The following TOP6BL variants were observed in gnomAD, a reference collection of about 807,000 sequenced individuals.
TOP6BL encodes type 2 DNA topoisomerase 6 subunit B-like.
chr11:66,820,301 C>G, the TOP6BL span, among the ~76,000 whole-genome samples: 1 of 152,146 alleles, frequency 6.6e-6, no homozygotes, highest in East Asian at 1.9e-4. Flanking sequence ...AGAAAATGTT[C>G]TTCTGGTTTG....
chr11:66,800,589 A>C, the TOP6BL span: 1 of 1,431,718 alleles, frequency 7.0e-7, no homozygotes, highest in Non-Finnish European at 9.5e-7. Context: ...GGAAGTTTTT[A>C]ATCTGTATCT....
At chr11:66,772,596 C>T in the TOP6BL span, among the ~76,000 whole-genome samples, 5 of 152,330 alleles carry the variant, frequency 3.3e-5, no homozygotes, top group African/African-American at 7.2e-5. Flanking sequence ...TGGCGAAACC[C>T]CGTCTCTACT....
At chr11:66,804,411 G>A in the TOP6BL span, among the ~76,000 whole-genome samples, 1 of 152,174 alleles carries the variant, frequency 6.6e-6, no homozygotes, top group Admixed American at 6.5e-5. Flanking sequence ...AATCCAATAT[G>A]ACTGAAGCAT....
chr11:66,843,351 C>A, the TOP6BL span: 1 of 1,458,354 alleles, frequency 6.9e-7, no homozygotes, highest in South Asian at 1.4e-5. Flanking sequence ...GCTTCCGCGT[C>A]GGGCCCGGGC....
the TOP6BL span, among the ~76,000 whole-genome samples, chr11:66,774,245 C>T: frequency 6.6e-6 from 1 of 152,056 alleles, no homozygotes; most frequent in South Asian, 2.1e-4. Context: ...TAGTACTTTA[C>T]CCAGTAATTT....
the TOP6BL span, among the ~76,000 whole-genome samples, chr11:66,772,414 T>TGAGCTATAATTTTGCCACA: frequency 6.6e-6 from 1 of 152,178 alleles, no homozygotes; most frequent in Non-Finnish European, 1.5e-5. Context: ...TAGGGTGCAG[T>TGAGCTATAATTTTGCCACA]GAGCTATAAT....
chr11:66,762,243 C>G, the TOP6BL span: 1 of 559,922 alleles, frequency 1.8e-6, no homozygotes, highest in Non-Finnish European at 3.2e-6. Flanking sequence ...GGGGCCCGGC[C>G]GCAGAACACG....
chr11:66,804,386 A>G, the TOP6BL span, among the ~76,000 whole-genome samples: 4 of 152,250 alleles, frequency 2.6e-5, no homozygotes, highest in East Asian at 1.9e-4. Flanking sequence ...GACACATGCC[A>G]TGCGTTTTTC....
the TOP6BL span, among the ~76,000 whole-genome samples, chr11:66,805,041 G>A: frequency 7.3e-5 from 11 of 151,438 alleles, no homozygotes; most frequent in Non-Finnish European, 1.0e-4. Flanking sequence ...GCACTCCAGC[G>A]TGGGCAACAG....
At chr11:66,769,752 AT>A in the TOP6BL span, among the ~76,000 whole-genome samples, 1 of 150,746 alleles carries the variant, frequency 6.6e-6, no homozygotes, top group South Asian at 2.1e-4. Context: ...TTTAATTTTT[AT>A]TTTTTGAGAC....
chr11:66,780,871 C>T, the TOP6BL span, among the ~76,000 whole-genome samples: 15 of 152,086 alleles, frequency 9.9e-5, no homozygotes, highest in Admixed American at 6.6e-4. Flanking sequence ...CATGAGCCAC[C>T]GCGCGTGGAC....
At chr11:66,842,791 A>C in the TOP6BL span, 1 of 1,469,456 alleles carries the variant, frequency 6.8e-7, no homozygotes, top group Non-Finnish European at 9.1e-7. Context: ...CCCTTGGCCA[A>C]GGGTGCTCCT....
chr11:66,843,407 A>G, the TOP6BL span: 1 of 1,424,974 alleles, frequency 7.0e-7, no homozygotes, highest in Admixed American at 3.0e-5. Context: ...GACGTCACCC[A>G]CACCTCCCTG....
At chr11:66,769,986 C>T in the TOP6BL span, among the ~76,000 whole-genome samples, 2 of 151,862 alleles carry the variant, frequency 1.3e-5, no homozygotes, top group South Asian at 4.2e-4. Flanking sequence ...ACCTTGTGAT[C>T]CGCCTGCCTC....
At chr11:66,776,472 T>G in the TOP6BL span, among the ~76,000 whole-genome samples, 1 of 152,094 alleles carries the variant, frequency 6.6e-6, no homozygotes, top group Non-Finnish European at 1.5e-5. Flanking sequence ...ACAAGGAAAT[T>G]AAACAAGGAA....
the TOP6BL span, among the ~76,000 whole-genome samples, chr11:66,807,098 A>AG: frequency 2.6e-5 from 4 of 152,198 alleles, no homozygotes; most frequent in African/African-American, 7.2e-5. Flanking sequence ...AAAGTAGTAG[A>AG]GAATGATGGA....
chr11:66,796,340 TA>T, the TOP6BL span: 2 of 1,610,494 alleles, frequency 1.2e-6, no homozygotes, highest in Non-Finnish European at 1.7e-6. Context: ...ATTTTTTACG[TA>T]AAATCATCAT....
chr11:66,827,258 C>A, the TOP6BL span, among the ~76,000 whole-genome samples: 2 of 151,906 alleles, frequency 1.3e-5, no homozygotes, highest in African/African-American at 4.8e-5. Flanking sequence ...CCATGTTGGT[C>A]AGGCTGGTGT....
the TOP6BL span, among the ~76,000 whole-genome samples, chr11:66,822,951 A>T: frequency 6.6e-6 from 1 of 150,986 alleles, no homozygotes; most frequent in Non-Finnish European, 1.5e-5. Flanking sequence ...CTGAGCCGTG[A>T]TCATGCCACT....
Sources: allele counts gnomAD v4.1 joint callset (sites outside exome capture counted in the v4.1 genomes callset), GRCh38; gene constraint gnomAD v4.1.1; transcripts MANE v1.5; gene names NCBI Gene and HGNC (gene_info 2026-07-23, HGNC 2026-07-21).